NEK6: variants seen among roughly 807,000 people sequenced by gnomAD.
The protein encoded by NEK6 is serine/threonine-protein kinase Nek6.
In NEK6, 27 loss-of-function variants were observed where a neutral mutation model predicts 43.5. The observed-to-expected ratio is 0.62, with a 90% CI of 0.46 to 0.86. The LOEUF is 0.86. NEK6 is among the 40% of genes least tolerant of loss of function. The probability of loss-of-function intolerance (pLI) is 0.00; values close to 1 mark genes in which losing one functional copy is unlikely to be tolerated. For missense variants in NEK6, 318 were observed against 414.4 expected (o/e 0.77, Z 2.02); for synonymous variants, 167 against 164.1 (o/e 1.02, Z -0.14).
intron 4 of NEK6, among the ~76,000 whole-genome samples, chr9:124,319,583 T>C (rs1019414058): frequency 1.3e-5 from 2 of 152,262 alleles, no homozygotes; most frequent in Non-Finnish European, 1.5e-5. Context: ...TTTTATAGTT[T>C]GAGGTCTTAC....
chr9:124,340,761 C>T (rs776472655), intron 8 of NEK6, among the ~76,000 whole-genome samples: 12 of 152,326 alleles, frequency 7.9e-5, no homozygotes, highest in Non-Finnish European at 1.5e-4. Context: ...CTCAGGACAG[C>T]GTGTCCAGGG....
At chr9:124,325,809 C>T (rs1308833561) in intron 5 of NEK6, among the ~76,000 whole-genome samples, 1 of 152,196 alleles carries the variant, frequency 6.6e-6, no homozygotes. Context: ...AGGTTCTCGC[C>T]GCGTTTGTTA....
chr9:124,266,884 A>T (rs770137404), intron 1 of NEK6, among the ~76,000 whole-genome samples: 8 of 152,212 alleles, frequency 5.3e-5, no homozygotes, highest in Non-Finnish European at 1.2e-4. Context: ...GAGGTTTCTT[A>T]GAGAAATGCT....
intron 1 of NEK6, among the ~76,000 whole-genome samples, chr9:124,261,952 T>C (rs1230488936): frequency 1.3e-5 from 2 of 151,964 alleles, no homozygotes; most frequent in African/African-American, 4.8e-5. Flanking sequence ...TCCACATTTT[T>C]ATCTTTTTTT....
chr9:124,271,379 G>A (rs1465621548), intron 1 of NEK6, among the ~76,000 whole-genome samples: 1 of 152,192 alleles, frequency 6.6e-6, no homozygotes, highest in African/African-American at 2.4e-5. Flanking sequence ...CCCCAAAATG[G>A]GGAGGCTCAG....
chr9:124,295,160 G>T (rs889078297), intron 1 of NEK6, among the ~76,000 whole-genome samples: 1 of 152,252 alleles, frequency 6.6e-6, no homozygotes, highest in Non-Finnish European at 1.5e-5. Context: ...TCCAGGAGTG[G>T]CTCATGGTCC....
chr9:124,314,059 TC>T, intron 4 of NEK6, 74 bp downstream of exon 4: 2 of 1,343,408 alleles, frequency 1.5e-6, no homozygotes, highest in South Asian at 1.2e-5. Context: ...CCACATCATG[TC>T]CATCACAGCC....
rs1440533219 is a variant in NEK6 at position 124,326,825 on chromosome 9, A to T, written c.514+387A>T. Reference sequence around the variant, plus strand: ...ACAGTTGACATGATTCCGAGTTGTGAGAAAGGAGCCTGCTGGGTGCCCGGC... The same window carrying T: ...ACAGTTGACATGATTCCGAGTTGTGTGAAAGGAGCCTGCTGGGTGCCCGGC... On this transcript the variant is annotated intron_variant, in intron 6 of 9. Coordinates refer to ENST00000320246, the MANE Select transcript of NEK6 (RefSeq NM_014397.6). This position sits in a 1 kb window ranked among gnomAD's most constrained non-coding sequence, Gnocchi z 4.5. Among the ~76,000 whole-genome samples the T allele has an allele frequency of 1.3e-5, 2 of 152,092 alleles. No individual in the cohort carries two copies. Among genetic ancestry groups the T allele is most frequent in the Non-Finnish European group, 2.9e-5 (2 of 68,000 alleles).
intron 9 of NEK6, among the ~76,000 whole-genome samples, chr9:124,348,557 T>C (rs1046100210): frequency 1.3e-5 from 2 of 152,212 alleles, no homozygotes; most frequent in Non-Finnish European, 2.9e-5. Context: ...CTAACCTCCC[T>C]GAGTCTCAGT....
intron 2 of NEK6, among the ~76,000 whole-genome samples, chr9:124,305,243 A>G (rs536850032): frequency 1.3e-5 from 2 of 152,348 alleles, no homozygotes; most frequent in East Asian, 3.9e-4. Flanking sequence ...TAATGACCAA[A>G]TATCAATGGC....
chr9:124,335,669 A>G (rs1829254155), intron 7 of NEK6, among the ~76,000 whole-genome samples: 1 of 152,258 alleles, frequency 6.6e-6, no homozygotes, highest in Admixed American at 6.5e-5. Context: ...CAAGGCACCC[A>G]CTATGAGCCG....
intron 8 of NEK6, among the ~76,000 whole-genome samples, chr9:124,342,391 T>C (rs1313423432): frequency 6.6e-6 from 1 of 152,170 alleles, no homozygotes; most frequent in Non-Finnish European, 1.5e-5. Context: ...TTCATCCAAA[T>C]CCCAGCTCCA....
At chr9:124,293,158 G>C in intron 1 of NEK6, 1 of 1,134,916 alleles carries the variant, frequency 8.8e-7, no homozygotes, top group Non-Finnish European at 1.1e-6. Flanking sequence ...TGATTAAAAT[G>C]CAGACTTTGG....
At chr9:124,267,575 C>G (rs1831276724) in intron 1 of NEK6, among the ~76,000 whole-genome samples, 1 of 152,242 alleles carries the variant, frequency 6.6e-6, no homozygotes, top group African/African-American at 2.4e-5. Flanking sequence ...GCCGCCTGCT[C>G]TTGGAGCCAG....
In NEK6 at chr9:124,343,423, G is replaced by A. The variant is rs1217724108; in HGVS notation, c.717+3758G>A. Among the ~76,000 whole-genome samples, 1 of 152,094 alleles carries A rather than the reference G, an allele frequency of 6.6e-6. No individual in the cohort carries two copies. Among genetic ancestry groups the A allele is most frequent in the Non-Finnish European group, 1.5e-5 (1 of 67,986 alleles). ...ATTAGCGTCCTCAGGGACATCAGGC[G>A]CTGACCTAACCCTAGCAGCCCCGGC... On this transcript the variant is annotated intron_variant, in intron 8 of 9. Transcript: ENST00000320246. The surrounding 1 kb of genome is among the most constrained non-coding windows in gnomAD (Gnocchi z 5.1).
rs527514887 is a variant in NEK6, at chr9:124,326,728, G to A, written c.514+290G>A. 6.6e-6 allele frequency among the ~76,000 whole-genome samples: 1 copy of A among 152,192 alleles called. No individual in the cohort carries two copies. Among genetic ancestry groups the A allele is most frequent in the Non-Finnish European group, 1.5e-5 (1 of 68,020 alleles). ...AGGTCGAGGAAGCCTCGCACAGAGG[G>A]GACTTTCATGGGGGCTTTGCCGTCT... On this transcript the variant is annotated intron_variant, in intron 6 of 9. Transcript: ENST00000320246. This position sits in a 1 kb window ranked among gnomAD's most constrained non-coding sequence, Gnocchi z 4.5.
chr9:124,278,848 T>C (rs986665646), intron 1 of NEK6, among the ~76,000 whole-genome samples: 1 of 152,134 alleles, frequency 6.6e-6, no homozygotes, highest in African/African-American at 2.4e-5. Flanking sequence ...TCCCGTCACC[T>C]AGAGCACCCG....
At chr9:124,327,800 G>T (rs1424087735) in intron 7 of NEK6, among the ~76,000 whole-genome samples, 1 of 152,218 alleles carries the variant, frequency 6.6e-6, no homozygotes, top group African/African-American at 2.4e-5. Context: ...CTCCTAGGGG[G>T]TGGACATTTG....
chr9:124,337,593 A>G (rs1442598216), intron 7 of NEK6, among the ~76,000 whole-genome samples: 1 of 152,172 alleles, frequency 6.6e-6, no homozygotes, highest in Admixed American at 6.5e-5. Flanking sequence ...TATAACTGAG[A>G]TTTGTTCTTT....
Sources: gnomAD v4.1 joint callset for allele counts (sites outside exome capture counted in the v4.1 genomes callset) on GRCh38, gnomAD v4.1.1 for gene constraint, Gnocchi (gnomAD v3.1) non-coding constraint, MANE v1.5 for transcripts, NCBI Gene and HGNC (gene_info 2026-07-23, HGNC 2026-07-21) for gene names.